The following TNRC6A variants were observed in gnomAD, a reference collection of about 807,000 sequenced individuals.
TNRC6A encodes trinucleotide repeat containing adaptor 6A, also known as trinucleotide repeat-containing gene 6A protein.
In TNRC6A, 44 loss-of-function variants were observed where a neutral mutation model predicts 221.2. The ratio of observed to expected loss-of-function variants is 0.20; its 90% CI spans 0.16 to 0.26. The LOEUF (loss-of-function observed/expected upper bound fraction) is 0.26, where lower values mean the gene tolerates loss of function less well. Among genes scored for constraint, TNRC6A ranks in the 10% least tolerant of loss-of-function variants. The pLI is 1.00. For synonymous variants in TNRC6A, 847 were observed against 838.5 expected (o/e 1.01, Z -0.18); for missense variants, 2,199 against 2,404.4 (o/e 0.91, Z 1.79).
intron 11 of TNRC6A, among the ~76,000 whole-genome samples, chr16:24,798,588 G>T (rs1229830250): frequency 6.6e-6 from 1 of 152,190 alleles, no homozygotes; most frequent in Non-Finnish European, 1.5e-5. Flanking sequence ...AAAACCAGTA[G>T]ATAGTTGTTG....
chr16:24,625,853 A>C (rs899406082), intron 1 of TNRC6A, among the ~76,000 whole-genome samples: 1 of 151,936 alleles, frequency 6.6e-6, no homozygotes, highest in African/African-American at 2.4e-5. Flanking sequence ...CGGAAGTTGC[A>C]GTGAGCCGAG....
intron 2 of TNRC6A, among the ~76,000 whole-genome samples, chr16:24,731,498 A>G (rs1161584362): frequency 1.3e-5 from 2 of 152,232 alleles, no homozygotes; most frequent in Non-Finnish European, 2.9e-5. Context: ...TTATGGGATC[A>G]TTTAAAGGAA....
At chr16:24,775,774 C>T (rs915916568) in intron 4 of TNRC6A, among the ~76,000 whole-genome samples, 16 of 152,282 alleles carry the variant, frequency 1.1e-4, no homozygotes, top group African/African-American at 3.6e-4. Flanking sequence ...GGTGGGAGCT[C>T]TTAACCCTTG....
chr16:24,817,012 G>T, intron 20 of TNRC6A, 56 bp downstream of exon 20: 3 of 1,549,508 alleles, frequency 1.9e-6, no homozygotes, highest in Admixed American at 3.8e-5. Context: ...TTTAAGAATG[G>T]CTCATGTAGT....
At chr16:24,690,721 C>T (rs1401775211) in intron 2 of TNRC6A, among the ~76,000 whole-genome samples, 1 of 152,056 alleles carries the variant, frequency 6.6e-6, no homozygotes, top group Non-Finnish European at 1.5e-5. Flanking sequence ...TAGGGTAATG[C>T]CTCTTAAATC....
chr16:24,771,554 G>GTTATGTTATGTTATGTTATGTTATA (rs2057596308), intron 4 of TNRC6A, among the ~76,000 whole-genome samples: 1 of 71,360 alleles, frequency 1.4e-5, no homozygotes, highest in Non-Finnish European at 2.6e-5. Context: ...GTTATGTTAT[G>GTTATGTTATGTTATGTTATGTTATA]TTATGTTTTA....
At position 24,805,047 on chromosome 16, in the gene TNRC6A, A is replaced by G. The variant is rs1305671346; in HGVS notation, c.4018A>G (p.Thr1340Ala). The G allele has an allele frequency of 1.9e-6, 3 of 1,614,242 alleles. No homozygotes were observed. The highest frequency in any genetic ancestry group is 2.5e-6 in the Non-Finnish European group (3 of 1,180,048). ...TCCCAGTATGTTTGGTGTTGGAAAC[A>G]CAGCAGCACAACCCCGGGGCATGCA... ...GNPSMFGVGN[T>A]AAQPRGMQQP... The change falls in exon 14 of 25, where the codon ACA becomes GCA. Residue 1340 changes from threonine to alanine, a missense_variant. This residue lies in a region of TNRC6A where 449 missense variants were observed against 579.7 expected (regional missense o/e 0.77). Transcript: ENST00000395799.
At chr16:24,642,770 A>C (rs112897584) in intron 2 of TNRC6A, among the ~76,000 whole-genome samples, 19,386 of 152,050 alleles carry the variant, frequency 0.13, 1,335 homozygotes, top group Non-Finnish European at 0.14. Flanking sequence ...CGGTGAGCTG[A>C]GATAGTGCCA....
chr16:24,775,121 T>C (rs1207621586), intron 4 of TNRC6A, among the ~76,000 whole-genome samples: 1 of 152,180 alleles, frequency 6.6e-6, no homozygotes, highest in Non-Finnish European at 1.5e-5. Flanking sequence ...ATGAAGTGTT[T>C]TTGATAGCCA....
chr16:24,660,207 T>A (rs1267738659), intron 2 of TNRC6A, among the ~76,000 whole-genome samples: 1 of 152,158 alleles, frequency 6.6e-6, no homozygotes, highest in Non-Finnish European at 1.5e-5. Context: ...ACCCAGTTTG[T>A]AGACCTTTAT....
At chr16:24,693,385 G>A (rs1419582611) in intron 2 of TNRC6A, among the ~76,000 whole-genome samples, 5 of 152,080 alleles carry the variant, frequency 3.3e-5, no homozygotes, top group South Asian at 2.1e-4. Context: ...TCAGGAGTTC[G>A]AGACCAGCCT....
intron 2 of TNRC6A, among the ~76,000 whole-genome samples, chr16:24,664,670 ATTAT>A (rs2055114114): frequency 7.4e-6 from 1 of 134,924 alleles, no homozygotes; most frequent in Non-Finnish European, 1.5e-5. Flanking sequence ...TTTATTATTT[ATTAT>A]TTATTATTTA....
At chr16:24,706,810 A>G (rs1014539494) in intron 2 of TNRC6A, among the ~76,000 whole-genome samples, 2 of 151,986 alleles carry the variant, frequency 1.3e-5, no homozygotes, top group African/African-American at 4.8e-5. Flanking sequence ...AAATGGTAAA[A>G]CCATATTTGA....
chr16:24,635,178 TTTCC>T (rs778357333), intron 1 of TNRC6A, among the ~76,000 whole-genome samples: 187 of 151,200 alleles, frequency 1.2e-3, no homozygotes, highest in Admixed American at 3.0e-3. Flanking sequence ...TCCTTCCTTC[TTTCC>T]TTCCTTCCTT....
chr16:24,785,777 C>T (rs2057953124), intron 5 of TNRC6A, among the ~76,000 whole-genome samples: 1 of 152,126 alleles, frequency 6.6e-6, no homozygotes, highest in Non-Finnish European at 1.5e-5. Context: ...TTTTCTTACT[C>T]CTGCCTTGTG....
intron 1 of TNRC6A, among the ~76,000 whole-genome samples, chr16:24,635,473 G>T (rs1901591999): frequency 6.6e-6 from 1 of 151,970 alleles, no homozygotes; most frequent in Non-Finnish European, 1.5e-5. Flanking sequence ...AGTACAGACA[G>T]GGTTTCACCA....
At chr16:24,819,217 G>A (rs1027255598) in intron 21 of TNRC6A, among the ~76,000 whole-genome samples, 3 of 152,188 alleles carry the variant, frequency 2.0e-5, no homozygotes, top group African/African-American at 7.2e-5. Context: ...ACCCTGAGTA[G>A]CACTGACCTA....
chr16:24,740,120 A>G (rs562519603), intron 2 of TNRC6A, among the ~76,000 whole-genome samples: 20 of 152,282 alleles, frequency 1.3e-4, no homozygotes, highest in African/African-American at 4.6e-4. Context: ...TCTCAATTCT[A>G]TTCTGTTGAT....
In TNRC6A at chr16:24,675,692, CTCTCTCTCTCTATATATATATATATA is replaced by C. The variant is rs1474700017; in HGVS notation, n.402+34685_402+34710del. ...TCTCTCTCTCTCTCTCTCTCTCTCT[CTCTCTCTCTCTATATATATATATATA>C]TATATATATATATATATATATATGC... On this transcript the variant is annotated intron_variant and non_coding_transcript_variant, in intron 2 of 2. Coordinates refer to the TNRC6A transcript ENST00000566108. Among the ~76,000 whole-genome samples the C allele has an allele frequency of 8.7e-3, 745 of 85,710 alleles. 1 individual carries two copies. Among genetic ancestry groups the C allele is most frequent in the South Asian group, 0.013 (28 of 2,200 alleles). 56.2% of individuals were successfully genotyped at this position (85,710 alleles called of 152,430 possible).
Sources: gnomAD v4.1 joint callset for allele counts (sites outside exome capture counted in the v4.1 genomes callset) on GRCh38, gnomAD v4.1.1 for gene constraint, gnomAD v4.1.1 regional missense constraint, MANE v1.5 for transcripts, NCBI Gene and HGNC (gene_info 2026-07-23, HGNC 2026-07-21) for gene names.